Variants in BTBD8 observed in about 807,000 individuals in gnomAD.
The protein encoded by BTBD8 is BTB/POZ domain-containing protein 8.
A neutral mutation model predicts 162.9 loss-of-function variants in BTBD8; 110 were observed. That is an observed-to-expected ratio of 0.68 (90% CI 0.58 to 0.79). BTBD8 has a LOEUF of 0.79. Ranked by LOEUF, BTBD8 falls within the 30% of genes least tolerant of loss-of-function variation. The pLI is 0.00. For synonymous variants in BTBD8, 667 were observed against 716.1 expected, an observed-to-expected ratio of 0.93 and a Z score of 1.10; for missense variants, 1,905 against 2,085.4, an observed-to-expected ratio of 0.91 and a Z score of 1.68.
chr1:92,108,961 T>C (rs182155451), intron 4 of BTBD8, among the ~76,000 whole-genome samples: 3 of 152,332 alleles, frequency 2.0e-5, no homozygotes, highest in Non-Finnish European at 2.9e-5. Flanking sequence ...AGCCAAATAG[T>C]AGTAATATTT....
rs1395768557 is a variant in BTBD8, at chr1:92,124,574, CTCTG to C, written c.663-5107_663-5104del. Among the ~76,000 whole-genome samples, 32 of 152,186 alleles carry C rather than the reference CTCTG, an allele frequency of 2.1e-4. 1 individual carries two copies. The highest frequency in any genetic ancestry group is 7.5e-4 in the African/African-American group (31 of 41,452). ...CCAGGCTGGGTGAAAGAGCAAGAGA[CTCTG>C]TCTGTAGTAAAAGAAAAAGAAAGAG... On this transcript the variant is annotated intron_variant, in intron 4 of 17. Coordinates refer to ENST00000636805, the MANE Select transcript of BTBD8 (RefSeq NM_001376131.1).
At chr1:92,135,015 C>T (rs1332881408) in intron 5 of BTBD8, among the ~76,000 whole-genome samples, 1 of 151,778 alleles carries the variant, frequency 6.6e-6, no homozygotes, top group Non-Finnish European at 1.5e-5. Flanking sequence ...CCTCAGCCTC[C>T]TGAGTAGCTG....
chr1:92,106,194 G>A lies in BTBD8; in HGVS notation c.545-1690G>A, dbSNP rs138147069. 3.8e-3 allele frequency among the ~76,000 whole-genome samples: 582 copies of A among 152,250 alleles called. 5 individuals carry two copies. Among genetic ancestry groups the A allele is most frequent in the African/African-American group, 0.013 (550 of 41,540 alleles). ...TTTGGTCTCACAGTAGAATTTACTG[G>A]TCTCCATGTCAGGTCAGTTAAATGA... On this transcript the variant is annotated intron_variant, in intron 3 of 17. Coordinates refer to ENST00000636805, the MANE Select transcript of BTBD8 (RefSeq NM_001376131.1).
chr1:92,172,283 G>A (rs79779067), intron 13 of BTBD8, among the ~76,000 whole-genome samples: 1 of 152,288 alleles, frequency 6.6e-6, no homozygotes, highest in East Asian at 1.9e-4. Context: ...GAAAGGGGGA[G>A]TTGTTCAATG....
intron 5 of BTBD8, among the ~76,000 whole-genome samples, chr1:92,130,546 AC>A (rs1235927699): frequency 1.4e-5 from 2 of 141,884 alleles, no homozygotes; most frequent in Non-Finnish European, 3.2e-5. Flanking sequence ...ATTTACACAC[AC>A]ACACACACAC....
intron 15 of BTBD8, among the ~76,000 whole-genome samples, 169 bp downstream of exon 15, chr1:92,178,067 ATGAT>A (rs1006826840): frequency 3.3e-5 from 5 of 152,136 alleles, no homozygotes; most frequent in African/African-American, 9.6e-5. Context: ...TATATGCAAA[ATGAT>A]TGAGGCACAA....
intron 3 of BTBD8, among the ~76,000 whole-genome samples, chr1:92,106,271 T>G (rs940563516): frequency 6.6e-6 from 1 of 152,168 alleles, no homozygotes; most frequent in African/African-American, 2.4e-5. Context: ...TAATGCACGA[T>G]GGATGGCAGC....
chr1:92,181,476 A>G lies in BTBD8; in HGVS notation c.3793A>G (p.Arg1265Gly). The change falls in exon 17 of 18, where the codon AGA becomes GGA. Residue 1265 changes from arginine (R) to glycine (G), a missense_variant. By Grantham distance (125) the Arg-to-Gly change is moderately radical (BLOSUM62 -2). Transcript: ENST00000636805. ...CACCTCCTCCGATGACATAAAGCCC[A>G]GATCTGAAGACTATGATGCTGGAGG... is the stretch of plus-strand genomic sequence containing the variant. ...ATTSSDDIKP[R>G]SEDYDAGGSQ... 6.4e-7 allele frequency: 1 copy of G among 1,551,750 alleles called. No individual in the cohort carries two copies. Among genetic ancestry groups the G allele is most frequent in the Non-Finnish European group, 8.7e-7 (1 of 1,146,974 alleles).
chr1:92,132,453 GAC>G (rs1324863859), intron 5 of BTBD8, among the ~76,000 whole-genome samples: 1 of 152,060 alleles, frequency 6.6e-6, no homozygotes, highest in African/African-American at 2.4e-5. Flanking sequence ...AAGAAATAGT[GAC>G]ATCAATTACT....
intron 9 of BTBD8, among the ~76,000 whole-genome samples, chr1:92,157,337 G>T (rs1391913483): frequency 6.6e-6 from 1 of 152,152 alleles, no homozygotes; most frequent in Non-Finnish European, 1.5e-5. Context: ...GAACATGATA[G>T]ATTCTGGAGA....
At chr1:92,121,762 G>T (rs912755011) in intron 4 of BTBD8, among the ~76,000 whole-genome samples, 1 of 151,906 alleles carries the variant, frequency 6.6e-6, no homozygotes, top group Non-Finnish European at 1.5e-5. Flanking sequence ...GGCAACAAAT[G>T]ATTTTCATGT....
Position 92,177,208 on chromosome 1 carries a change from A to G in BTBD8, c.2015A>G (p.Gln672Arg), listed in dbSNP as rs780881044. 21 of 1,551,922 alleles carry G rather than the reference A, an allele frequency of 1.4e-5. No individual in the cohort carries two copies. In the Admixed American group the frequency reaches 2.4e-4, roughly 17 times the overall value. ...ACAGCAGCAGCAGCAGCAACTGGAC[A>G]GAAGAATTTACTAAATGGAAAAGGA... ...SATAAAAATG[Q>R]KNLLNGKGVR... The change falls in exon 14 of 18, where the codon CAG becomes CGG. Residue 672 changes from glutamine to arginine, a missense_variant. Gln to Arg is a conservative substitution (Grantham distance 43, BLOSUM62 1). This residue lies in a region of BTBD8 where 1,374 missense variants were observed against 1,442.7 expected (regional missense o/e 0.95). Coordinates refer to ENST00000636805, the MANE Select transcript of BTBD8 (RefSeq NM_001376131.1).
At chr1:92,104,685 A>G (rs1308843399) in intron 3 of BTBD8, among the ~76,000 whole-genome samples, 1 of 152,218 alleles carries the variant, frequency 6.6e-6, no homozygotes, top group Admixed American at 6.5e-5. Flanking sequence ...GCCAGTTGCC[A>G]GCTTAACAGA....
At chr1:92,108,356 T>G (rs770094061) in intron 4 of BTBD8, among the ~76,000 whole-genome samples, 1 of 152,258 alleles carries the variant, frequency 6.6e-6, no homozygotes, top group South Asian at 2.1e-4. Flanking sequence ...TGAAAGCCAC[T>G]GTCATAGAAA....
At chr1:92,138,659 C>T (rs755959488) in intron 5 of BTBD8, among the ~76,000 whole-genome samples, 17 of 152,162 alleles carry the variant, frequency 1.1e-4, no homozygotes, top group Non-Finnish European at 2.1e-4. Flanking sequence ...CCACCAACCA[C>T]ATGATTCACT....
intron 9 of BTBD8, among the ~76,000 whole-genome samples, chr1:92,154,937 G>T (rs1291497907): frequency 6.6e-6 from 1 of 152,028 alleles, no homozygotes; most frequent in Non-Finnish European, 1.5e-5. Flanking sequence ...TTGATATTTG[G>T]GTATGTTGTA....
At chr1:92,136,347 T>TA (rs1649632854) in intron 5 of BTBD8, among the ~76,000 whole-genome samples, 2 of 152,094 alleles carry the variant, frequency 1.3e-5, no homozygotes, top group Admixed American at 6.5e-5. Context: ...TTCTTCTTTT[T>TA]TTTTTTTTTC....
chr1:92,104,838 T>A (rs1241886761), intron 3 of BTBD8, among the ~76,000 whole-genome samples: 1 of 152,208 alleles, frequency 6.6e-6, no homozygotes, highest in African/African-American at 2.4e-5. Context: ...TACTGATGTA[T>A]CATTTTTCTA....
At chr1:92,170,383 G>C (rs1650506490) in intron 12 of BTBD8, among the ~76,000 whole-genome samples, 1 of 152,048 alleles carries the variant, frequency 6.6e-6, no homozygotes, top group South Asian at 2.1e-4. Flanking sequence ...AATGGTTCTG[G>C]GTTGTCTGTT....
Sources: allele counts gnomAD v4.1 joint callset (sites outside exome capture counted in the v4.1 genomes callset), GRCh38; gene constraint gnomAD v4.1.1; regional missense constraint gnomAD v4.1.1; transcripts MANE v1.5; gene names NCBI Gene and HGNC (gene_info 2026-07-23, HGNC 2026-07-21).